The following CACNB2 variants were observed in gnomAD, a reference collection of about 807,000 sequenced individuals.
The protein encoded by CACNB2 is calcium voltage-gated channel auxiliary subunit beta 2.
Under a neutral mutation model 73.3 loss-of-function variants are expected in CACNB2, and 42 were observed. The ratio of observed to expected loss-of-function variants is 0.57; its 90% CI spans 0.45 to 0.74. The LOEUF (loss-of-function observed/expected upper bound fraction) is 0.74. CACNB2 is among the 30% of genes least tolerant of loss of function. The pLI, the probability that CACNB2 is intolerant of heterozygous loss-of-function variation, is 0.00. For missense variants in CACNB2, 940 were observed against 853.0 expected (o/e 1.10, Z -1.27); for synonymous variants, 348 against 310.3 (o/e 1.12, Z -1.28).
intron 2 of CACNB2, among the ~76,000 whole-genome samples, chr10:18,275,842 C>A (rs2038261940): frequency 6.6e-6 from 1 of 152,132 alleles, no homozygotes; most frequent in Non-Finnish European, 1.5e-5. Flanking sequence ...ATGCAGACCA[C>A]AGAAGCTCAA....
intron 3 of CACNB2, among the ~76,000 whole-genome samples, chr10:18,442,172 G>A (rs555955082): frequency 6.6e-6 from 1 of 151,814 alleles, no homozygotes; most frequent in African/African-American, 2.4e-5. Flanking sequence ...TTATTGAGAC[G>A]GAGTTTCACT....
rs1554843674 is a variant in CACNB2, at chr10:18,540,333, A to ATATATATATATATCAATATAAT, written c.*609_*610insTATATATATATATCAATATAAT. On this transcript the variant is annotated 3_prime_UTR_variant, in exon 14 of 14. Transcript: ENST00000324631. The stretch of plus-strand genomic sequence containing the variant: ...ACAAACACCTTCTTATTATATATAT[A>ATATATATATATATCAATATAAT]ATATATATATATATCAGTTTGATCA... 1 of 144,932 alleles carries ATATATATATATATCAATATAAT rather than the reference A, an allele frequency of 6.9e-6. No individual in the cohort carries two copies. The highest frequency in any genetic ancestry group is 6.9e-5 in the Admixed American group (1 of 14,576). 9.0% of individuals were successfully genotyped at this position (144,932 alleles called of 1,614,324 possible).
chr10:18,459,863 C>G (rs775759031), intron 3 of CACNB2, among the ~76,000 whole-genome samples: 1 of 151,992 alleles, frequency 6.6e-6, no homozygotes, highest in Non-Finnish European at 1.5e-5. Flanking sequence ...CTGGGAATGA[C>G]GATGGGTGCC....
intron 2 of CACNB2, among the ~76,000 whole-genome samples, chr10:18,186,539 C>G (rs1175685648): frequency 6.6e-6 from 1 of 152,114 alleles, no homozygotes; most frequent in Non-Finnish European, 1.5e-5. Flanking sequence ...TCCTCAGCTT[C>G]CGGGGAGGCC....
chr10:18,164,555 T>A (rs893788209), intron 2 of CACNB2, among the ~76,000 whole-genome samples: 1 of 151,952 alleles, frequency 6.6e-6, no homozygotes, highest in African/African-American at 2.4e-5. Context: ...GCCAAAACAA[T>A]TTTACTAACA....
chr10:18,377,571 G>A (rs189447300), intron 2 of CACNB2, among the ~76,000 whole-genome samples: 64 of 152,182 alleles, frequency 4.2e-4, no homozygotes, highest in African/African-American at 1.3e-3. Context: ...TGTAATTTTC[G>A]CAACATGAGA....
chr10:18,334,993 T>G (rs2040944577), intron 2 of CACNB2, among the ~76,000 whole-genome samples: 1 of 152,120 alleles, frequency 6.6e-6, no homozygotes, highest in African/African-American at 2.4e-5. Flanking sequence ...CCAGAAAAAT[T>G]ATTTCATAAC....
intron 2 of CACNB2, among the ~76,000 whole-genome samples, chr10:18,293,509 A>G (rs2039152020): frequency 6.6e-6 from 1 of 152,254 alleles, no homozygotes; most frequent in South Asian, 2.1e-4. Context: ...GCCTAATGGC[A>G]TGTTTCTACC....
intron 2 of CACNB2, among the ~76,000 whole-genome samples, chr10:18,151,903 C>T (rs1364496859): frequency 6.6e-6 from 1 of 152,204 alleles, no homozygotes; most frequent in African/African-American, 2.4e-5. Context: ...CCACTTTCCC[C>T]AGTGCCGCTT....
intron 2 of CACNB2, among the ~76,000 whole-genome samples, chr10:18,275,950 G>A (rs370317212): frequency 6.6e-6 from 1 of 152,222 alleles, no homozygotes; most frequent in African/African-American, 2.4e-5. Flanking sequence ...TGCCACGAGA[G>A]TGGTGAAACT....
rs116489150 is a variant in CACNB2 at position 18,152,298 on chromosome 10, G to A, written c.213+1323G>A. On this transcript the variant is annotated intron_variant, in intron 2 of 13. Coordinates refer to ENST00000324631, the MANE Select transcript of CACNB2 (RefSeq NM_201596.3). ...ACTGGAAAAAAACTGGTCCTGGTCC[G>A]TGCCAATTGGGAATTGTTGTGGTTG... 8.7e-3 allele frequency among the ~76,000 whole-genome samples: 1,332 copies of A among 152,264 alleles called. 19 individuals carry two copies. Among genetic ancestry groups the A allele is most frequent in the African/African-American group, 0.03 (1,249 of 41,548 alleles).
intron 2 of CACNB2, among the ~76,000 whole-genome samples, chr10:18,394,244 C>A (rs1057280600): frequency 6.6e-6 from 1 of 152,174 alleles, no homozygotes; most frequent in African/African-American, 2.4e-5. Flanking sequence ...CCGTGAGCCA[C>A]TGCGCCTGGC....
intron 2 of CACNB2, among the ~76,000 whole-genome samples, chr10:18,215,185 T>C (rs1325665669): frequency 6.7e-6 from 1 of 149,690 alleles, no homozygotes; most frequent in East Asian, 1.9e-4. Flanking sequence ...TAGCAGGCAC[T>C]CTGAATGAAG....
chr10:18,181,950 C>G (rs1311062356), intron 2 of CACNB2: 1 of 152,098 alleles, frequency 6.6e-6, no homozygotes, highest in Non-Finnish European at 1.5e-5. Flanking sequence ...AGCTTCCAAA[C>G]AAATCCTCAG....
intron 2 of CACNB2, among the ~76,000 whole-genome samples, chr10:18,343,749 A>T (rs2132086255): frequency 6.6e-6 from 1 of 152,328 alleles, no homozygotes; most frequent in Admixed American, 6.5e-5. Flanking sequence ...GAGAGATTAA[A>T]TGTCCCCCTT....
chr10:18,144,141 TATCTC>T (rs1203020792), intron 1 of CACNB2, among the ~76,000 whole-genome samples: 1 of 152,170 alleles, frequency 6.6e-6, no homozygotes, highest in African/African-American at 2.4e-5. Context: ...GCAGTGGCAT[TATCTC>T]AGCTCACTGC....
chr10:18,245,026 T>G (rs545914123), intron 2 of CACNB2, among the ~76,000 whole-genome samples: 1 of 151,080 alleles, frequency 6.6e-6, no homozygotes, highest in East Asian at 1.9e-4. Context: ...CGCTAACAGA[T>G]GGAAAAGGCA....
chr10:18,351,366 C>G (rs770381249), intron 2 of CACNB2, among the ~76,000 whole-genome samples: 5 of 152,166 alleles, frequency 3.3e-5, no homozygotes, highest in Non-Finnish European at 5.9e-5. Flanking sequence ...GGAAATTGGA[C>G]TGTGCTAGAG....
intron 2 of CACNB2, among the ~76,000 whole-genome samples, chr10:18,184,051 G>T (rs2034026352): frequency 6.6e-6 from 1 of 152,214 alleles, no homozygotes; most frequent in Non-Finnish European, 1.5e-5. Flanking sequence ...CCCAGCCAAG[G>T]TTAGCTCTTA....
Sources: allele counts gnomAD v4.1 joint callset (sites outside exome capture counted in the v4.1 genomes callset), GRCh38; gene constraint gnomAD v4.1.1; transcripts MANE v1.5; gene names NCBI Gene and HGNC (gene_info 2026-07-23, HGNC 2026-07-21).